XIRP2: variants seen among roughly 807,000 people sequenced by gnomAD.
XIRP2 encodes the protein xin actin-binding repeat-containing protein 2.
Under a neutral mutation model 277.0 loss-of-function variants are expected in XIRP2, and 236 were observed. That is an observed-to-expected ratio of 0.85 (90% CI 0.77 to 0.95). The LOEUF is 0.95. Among genes scored for constraint, XIRP2 ranks in the 40% least tolerant of loss-of-function variants. The pLI is 0.00. For missense variants in XIRP2, 4,640 were observed against 4,157.5 expected (o/e 1.12, Z -3.19); for synonymous variants, 1,490 against 1,416.5 (o/e 1.05, Z -1.17).
intron 2 of XIRP2, among the ~76,000 whole-genome samples, chr2:167,050,136 T>A (rs1488518860): frequency 6.6e-6 from 1 of 152,082 alleles, no homozygotes; most frequent in Non-Finnish European, 1.5e-5. Flanking sequence ...GTTGCCAATT[T>A]ACTTGATTCT....
chr2:167,093,935 C>T (rs757476241), intron 2 of XIRP2, among the ~76,000 whole-genome samples: 6 of 152,042 alleles, frequency 3.9e-5, no homozygotes, highest in African/African-American at 9.7e-5. Flanking sequence ...TCCCACCAAC[C>T]GTGTAAAAGC....
rs78064326 is a variant in XIRP2 at position 166,982,793 on chromosome 2, T to A, written c.408+78903T>A. 9.7e-4 allele frequency among the ~76,000 whole-genome samples: 147 copies of A among 152,324 alleles called. 4 individuals are homozygous for A. In the East Asian group the frequency reaches 0.024, roughly 25 times the overall value. On this transcript the variant is annotated intron_variant, in intron 2 of 10. Coordinates refer to ENST00000409195, the MANE Select transcript of XIRP2 (RefSeq NM_152381.6). Reference sequence around the variant, plus strand: ...CTACTTTAAAATCCATGCACGCAAATTCCAACATCTGTATCATCTCCATTT... The same window carrying A: ...CTACTTTAAAATCCATGCACGCAAAATCCAACATCTGTATCATCTCCATTT...
intron 2 of XIRP2, among the ~76,000 whole-genome samples, chr2:167,075,202 T>C (rs1040362944): frequency 1.3e-5 from 2 of 152,066 alleles, no homozygotes; most frequent in African/African-American, 4.8e-5. Context: ...TTTTGTTTTG[T>C]TTTTTCAAAA....
At chr2:166,942,385 T>A (rs935008248) in intron 2 of XIRP2, among the ~76,000 whole-genome samples, 1 of 152,222 alleles carries the variant, frequency 6.6e-6, no homozygotes, top group Non-Finnish European at 1.5e-5. Flanking sequence ...TTCTCTTTAT[T>A]TTCATGAAAA....
chr2:167,188,361 C>A (rs1453376507), intron 3 of XIRP2, among the ~76,000 whole-genome samples: 2 of 152,168 alleles, frequency 1.3e-5, no homozygotes, highest in Non-Finnish European at 2.9e-5. Flanking sequence ...AGCAAGGACA[C>A]TTTAAGATTA....
intron 2 of XIRP2, among the ~76,000 whole-genome samples, chr2:166,925,626 T>TATATATATATATATATATATATAC (rs1316563535): frequency 7.4e-6 from 1 of 136,016 alleles, no homozygotes; most frequent in African/African-American, 2.9e-5. Context: ...TATATATATA[T>TATATATATATATATATATATATAC]ACATATAAGT....
intron 2 of XIRP2, among the ~76,000 whole-genome samples, chr2:167,044,203 G>A (rs1266428823): frequency 1.3e-5 from 2 of 151,940 alleles, no homozygotes; most frequent in African/African-American, 2.4e-5. Flanking sequence ...TACAGAAAAG[G>A]CTTTTGATAA....
intron 2 of XIRP2, among the ~76,000 whole-genome samples, chr2:167,058,029 AT>A (rs1689081797): frequency 8.7e-6 from 1 of 114,962 alleles, no homozygotes; most frequent in Admixed American, 8.0e-5. Flanking sequence ...TAATTATTTT[AT>A]TTTATTTTAT....
chr2:167,025,262 C>G (rs994297726), intron 2 of XIRP2, among the ~76,000 whole-genome samples: 2 of 152,174 alleles, frequency 1.3e-5, no homozygotes, highest in African/African-American at 2.4e-5. Flanking sequence ...GTAGTATTCT[C>G]TGATGGTAGT....
At chr2:167,118,772 C>T (rs1315078867) in intron 2 of XIRP2, among the ~76,000 whole-genome samples, 3 of 152,024 alleles carry the variant, frequency 2.0e-5, no homozygotes, top group South Asian at 2.1e-4. Context: ...TAGCCTATTA[C>T]GGCACCACAA....
rs200090306 is a variant in XIRP2, at chr2:167,251,695, A to C, written c.10303A>C (p.Lys3435Gln). The C allele has an allele frequency of 1.2e-6, 2 of 1,613,382 alleles. No individual in the cohort carries two copies. The highest frequency in any genetic ancestry group is 1.7e-6 in the Non-Finnish European group (2 of 1,179,610). Residue 3435 changes from lysine (K) to glutamine (Q), a missense_variant, in exon 9 of 11, where the codon AAA (lysine) becomes CAA (glutamine). Lys to Gln is a moderately conservative substitution (Grantham distance 53). Coordinates refer to ENST00000409195, the MANE Select transcript of XIRP2 (RefSeq NM_152381.6). ...FESQIVESKM[K>Q]TSSSHSSEAG... is the part of the protein sequence containing the mutation. Reference sequence around the variant, plus strand: ...GAGTCAAATTGTTGAGTCGAAGATGAAAACCTCTTCATCACATAGCTCAGA... The same window carrying C: ...GAGTCAAATTGTTGAGTCGAAGATGCAAACCTCTTCATCACATAGCTCAGA...
Position 167,249,691 on chromosome 2 carries a change from G to T in XIRP2, c.8299G>T (p.Ala2767Ser). The T allele has an allele frequency of 6.2e-7, 1 of 1,613,426 alleles. No homozygotes were observed. Among genetic ancestry groups the T allele is most frequent in the Non-Finnish European group, 8.5e-7 (1 of 1,179,750 alleles). The change falls in exon 9 of 11, where the codon GCT becomes TCT. Residue 2767 changes from alanine (A) to serine (S), a missense_variant. Transcript: ENST00000409195. ...TGAATGTAGTCATAAGCAATCTCTG[G>T]CTGAAAGACATTATCAGTTACCTAA... ...STECSHKQSL[A>S]ERHYQLPKKE...
At position 167,250,141 on chromosome 2, in the gene XIRP2, A is replaced by G; in HGVS notation, c.8749A>G (p.Lys2917Glu). 1 of 1,613,240 alleles carries G rather than the reference A, an allele frequency of 6.2e-7. No individual in the cohort carries two copies. The highest frequency in any genetic ancestry group is 1.3e-5 in the African/African-American group (1 of 74,924). ...AGTCTTCTCTAATACTAAAGATTCA[A>G]AGCAAGAGATTACACAGAACAAATC... Reference protein sequence around the residue: ...KQVFSNTKDSKQEITQNKSFF... With the variant: ...KQVFSNTKDSEQEITQNKSFF... Residue 2917 changes from lysine (K) to glutamate (E), a missense_variant, in exon 9 of 11, where the codon AAG (lysine) becomes GAG (glutamate). Physicochemically the swap from Lys to Glu is moderately conservative, Grantham distance 56. Coordinates refer to ENST00000409195, the MANE Select transcript of XIRP2 (RefSeq NM_152381.6).
intron 2 of XIRP2, among the ~76,000 whole-genome samples, chr2:166,951,106 G>T (rs1054272891): frequency 2.6e-5 from 4 of 152,000 alleles, no homozygotes; most frequent in Non-Finnish European, 4.4e-5. Flanking sequence ...AGGTAACCAA[G>T]AATTGCGAGT....
intron 2 of XIRP2, among the ~76,000 whole-genome samples, chr2:167,111,251 C>G (rs1200250504): frequency 1.3e-5 from 2 of 152,120 alleles, no homozygotes; most frequent in Non-Finnish European, 2.9e-5. Context: ...TTACCTTATG[C>G]TGGTTTTCAA....
chr2:167,107,270 C>T (rs1690641378), intron 2 of XIRP2, among the ~76,000 whole-genome samples: 1 of 151,762 alleles, frequency 6.6e-6, no homozygotes, highest in Non-Finnish European at 1.5e-5. Context: ...AATGAACATC[C>T]TTGCTTTGTT....
intron 2 of XIRP2, among the ~76,000 whole-genome samples, chr2:167,104,305 T>G (rs1690559623): frequency 6.6e-6 from 1 of 152,136 alleles, no homozygotes; most frequent in African/African-American, 2.4e-5. Context: ...GATAAAAAGT[T>G]CAAAAATACT....
chr2:167,157,250 A>G (rs1692228950), intron 3 of XIRP2, among the ~76,000 whole-genome samples: 1 of 152,066 alleles, frequency 6.6e-6, no homozygotes, highest in South Asian at 2.1e-4. Flanking sequence ...TTTGTCCCTC[A>G]CATCCTCTCA....
intron 2 of XIRP2, among the ~76,000 whole-genome samples, chr2:166,974,349 A>G (rs899480575): frequency 1.3e-5 from 2 of 152,204 alleles, no homozygotes; most frequent in African/African-American, 4.8e-5. Context: ...AAAGAGCACT[A>G]GAAATGATAA....
Sources: gnomAD v4.1 joint callset for allele counts (sites outside exome capture counted in the v4.1 genomes callset) on GRCh38, gnomAD v4.1.1 for gene constraint, MANE v1.5 for transcripts, NCBI Gene and HGNC (gene_info 2026-07-23, HGNC 2026-07-21) for gene names.